Variants in LARP4 observed in about 807,000 individuals in gnomAD.
The protein encoded by LARP4 is la-related protein 4.
In LARP4, 29 loss-of-function variants were observed where a neutral mutation model predicts 92.9. The observed-to-expected ratio is 0.31, with a 90% CI of 0.23 to 0.43. The LOEUF (loss-of-function observed/expected upper bound fraction) is 0.43, where lower values mean the gene tolerates loss of function less well. Ranked by LOEUF, LARP4 falls within the 20% of genes least tolerant of loss-of-function variation. LARP4 has a pLI of 1.00. For missense variants in LARP4, 732 were observed against 860.0 expected, an observed-to-expected ratio of 0.85 and a Z score of 1.86; for synonymous variants, 279 against 284.1, an observed-to-expected ratio of 0.98 and a Z score of 0.18.
At chr12:50,401,215 A>G (rs1316815014) in intron 1 of LARP4, 187 bp downstream of exon 1, 6 of 687,868 alleles carry the variant, frequency 8.7e-6, no homozygotes, top group East Asian at 5.0e-5. Flanking sequence ...CTAGGAAGCT[A>G]TGGGAGGTGA....
chr12:50,441,878 A>C (rs890244189), intron 8 of LARP4, among the ~76,000 whole-genome samples: 43 of 152,154 alleles, frequency 2.8e-4, no homozygotes, highest in African/African-American at 1.0e-3. Context: ...ATGAAACCCC[A>C]TCTCTACTAA....
intron 8 of LARP4, among the ~76,000 whole-genome samples, chr12:50,447,475 T>C (rs1305927040): frequency 1.3e-5 from 2 of 152,218 alleles, no homozygotes; most frequent in African/African-American, 4.8e-5. Flanking sequence ...ATTTTTTTCC[T>C]TTTTAAAAGT....
chr12:50,402,729 A>G (rs1304220194), intron 1 of LARP4: 1 of 453,134 alleles, frequency 2.2e-6, no homozygotes, highest in African/African-American at 2.0e-5. Context: ...AAAGTAAAGT[A>G]GTTTAACTGG....
intron 1 of LARP4, 68 bp from the exon 2 acceptor site, chr12:50,427,694 T>G (rs1592973053): frequency 1.9e-6 from 2 of 1,068,364 alleles, no homozygotes; most frequent in East Asian, 5.3e-5. Flanking sequence ...GAAAAGTGAT[T>G]TTATCTGAAT....
Position 50,476,029 on chromosome 12 carries a change from C to G in LARP4, c.*165C>G. 1 of 540,106 alleles carries G rather than the reference C, an allele frequency of 1.9e-6. No homozygotes were observed. Among genetic ancestry groups the G allele is most frequent in the Admixed American group, 3.2e-5 (1 of 31,198 alleles). The allele number at this position is 540,106 out of a possible 1,614,324, so 33.5% of individuals were successfully genotyped here. A position where few individuals can be genotyped will look rare whatever the true frequency, so the allele number is the denominator to read the frequency against. The stretch of plus-strand genomic sequence containing the variant: ...TTGTGAGTGATAGGATCCCAAAATT[C>G]ATCTCTAATGTGGTTTTTAAATGCT... On this transcript the variant is annotated 3_prime_UTR_variant, in exon 16 of 16. Coordinates refer to ENST00000398473, the MANE Select transcript of LARP4 (RefSeq NM_052879.5).
chr12:50,402,604 A>G (rs878989755), intron 1 of LARP4: 2 of 266,712 alleles, frequency 7.5e-6, no homozygotes, highest in South Asian at 6.7e-5. Context: ...GTAAGTTTTA[A>G]TAACAGCTCC....
intron 8 of LARP4, among the ~76,000 whole-genome samples, chr12:50,450,925 C>T (rs778194547): frequency 6.6e-5 from 10 of 152,096 alleles, no homozygotes; most frequent in Non-Finnish European, 1.3e-4. Flanking sequence ...TGGATGTACA[C>T]GTTGTGTTCA....
intron 1 of LARP4, among the ~76,000 whole-genome samples, chr12:50,425,084 T>C (rs1272294537): frequency 6.6e-6 from 1 of 151,978 alleles, no homozygotes; most frequent in African/African-American, 2.4e-5. Context: ...GATGAGGAGG[T>C]TGCAGTGAGC....
intron 12 of LARP4, among the ~76,000 whole-genome samples, chr12:50,464,171 G>A (rs1442610148): frequency 1.3e-5 from 2 of 152,166 alleles, no homozygotes; most frequent in Non-Finnish European, 2.9e-5. Flanking sequence ...AAATACTTGA[G>A]ACTGGATAAT....
intron 6 of LARP4, among the ~76,000 whole-genome samples, chr12:50,439,177 A>T (rs1950851909): frequency 6.6e-6 from 1 of 152,100 alleles, no homozygotes; most frequent in Non-Finnish European, 1.5e-5. Context: ...GCGCTCAAGC[A>T]ATCTGTGCAC....
intron 5 of LARP4, among the ~76,000 whole-genome samples, chr12:50,436,143 ATATCCCGCTGGGGTG>A (rs1565608423): frequency 2.9e-5 from 4 of 136,846 alleles, no homozygotes; most frequent in African/African-American, 1.1e-4. Context: ...GTGTGTGTAT[ATATCCCGCTGGGGTG>A]TGTGTGTGTG....
intron 1 of LARP4, among the ~76,000 whole-genome samples, chr12:50,421,602 G>A (rs1947802526): frequency 6.6e-6 from 1 of 151,820 alleles, no homozygotes; most frequent in Non-Finnish European, 1.5e-5. Flanking sequence ...CCAAGATCTT[G>A]CCACTGCAGC....
rs374329608 is a variant in LARP4 at position 50,453,814 on chromosome 12, G to T, written c.1017+142G>T. 6.7e-6 allele frequency: 4 copies of T among 593,258 alleles called. No individual in the cohort carries two copies. In the Admixed American group the frequency reaches 9.8e-5, roughly 15 times the overall value. 36.7% of individuals were successfully genotyped at this position (593,258 alleles called of 1,614,324 possible). On this transcript the variant is annotated intron_variant, in intron 9 of 15. Transcript: ENST00000398473. ...TTTTATTTTATTTTTTGTATTTTTC[G>T]TAGAGATGGAATTTTGCCATGTTGC...
chr12:50,475,712 G>A lies in LARP4; in HGVS notation c.2023G>A (p.Asp675Asn). Residue 675 changes from aspartate to asparagine, a missense_variant, in exon 16 of 16, where the codon GAT becomes AAT. Coordinates refer to ENST00000398473, the MANE Select transcript of LARP4 (RefSeq NM_052879.5). ...HEKPEARASK[D>N]YSGFRGNIIP... ...GAAGCCAGAAGCAAGGGCTAGTAAG[G>A]ATTATTCTGGCTTCCGAGGCAATAT... The A allele has an allele frequency of 6.2e-7, 1 of 1,614,094 alleles. No homozygotes were observed. Among genetic ancestry groups the A allele is most frequent in the Non-Finnish European group, 8.5e-7 (1 of 1,180,026 alleles).
intron 6 of LARP4, among the ~76,000 whole-genome samples, 170 bp from the exon 7 acceptor site, chr12:50,440,267 CTG>C (rs1951013362): frequency 6.6e-6 from 1 of 152,120 alleles, no homozygotes; most frequent in South Asian, 2.1e-4. Flanking sequence ...CCTATTAACT[CTG>C]TATTTGTTTT....
intron 8 of LARP4, among the ~76,000 whole-genome samples, chr12:50,450,180 T>C (rs1952931750): frequency 6.6e-6 from 1 of 152,154 alleles, no homozygotes; most frequent in Non-Finnish European, 1.5e-5. Flanking sequence ...TCCGCCCGCC[T>C]CAGCCTCCCA....
At chr12:50,407,150 T>C (rs1343682779) in intron 1 of LARP4, among the ~76,000 whole-genome samples, 4 of 152,122 alleles carry the variant, frequency 2.6e-5, no homozygotes, top group Non-Finnish European at 5.9e-5. Flanking sequence ...CTCAGCCTCC[T>C]GAGTAGCTGG....
intron 1 of LARP4, among the ~76,000 whole-genome samples, chr12:50,409,024 A>G (rs1231760951): frequency 6.6e-6 from 1 of 152,110 alleles, no homozygotes; most frequent in Non-Finnish European, 1.5e-5. Flanking sequence ...ATGTAAATTT[A>G]TAGGGCAGAA....
chr12:50,461,257 C>T lies in LARP4; in HGVS notation c.1244C>T (p.Pro415Leu), dbSNP rs1340251091. 1.2e-6 allele frequency: 2 copies of T among 1,613,968 alleles called. No homozygotes were observed. Among genetic ancestry groups the T allele is most frequent in the South Asian group, 2.2e-5 (2 of 91,064 alleles). ...AACTTTCCAGCTGAACGGCATAACC[C>T]CACAGTAACTGGGCATCAGGAGCAA... is the stretch of plus-strand genomic sequence containing the variant. ...SRNFPAERHN[P>L]TVTGHQEQTY... The change falls in exon 11 of 16, where the codon CCC (proline) becomes CTC (leucine). Residue 415 changes from proline (P) to leucine (L), a missense_variant. By Grantham distance (98) the Pro-to-Leu change is moderately conservative. Transcript: ENST00000398473.
Sources: gnomAD v4.1 joint callset for allele counts (sites outside exome capture counted in the v4.1 genomes callset) on GRCh38, gnomAD v4.1.1 for gene constraint, MANE v1.5 for transcripts, NCBI Gene and HGNC (gene_info 2026-07-23, HGNC 2026-07-21) for gene names.